The following PDE4D variants were observed in gnomAD, a reference collection of about 807,000 sequenced individuals.
The protein encoded by PDE4D is 3',5'-cyclic-AMP phosphodiesterase 4D.
PDE4D carries 24 observed loss-of-function variants against 87.4 expected under a neutral mutation model. The ratio of observed to expected loss-of-function variants is 0.27; its 90% CI spans 0.20 to 0.39. The LOEUF is 0.39. PDE4D is among the 10% of genes least tolerant of loss of function. PDE4D has a pLI of 1.00. For synonymous variants in PDE4D, 384 were observed against 383.2 expected (o/e 1.00, Z -0.02); for missense variants, 714 against 1,041.0 (o/e 0.69, Z 4.32).
At chr5:59,213,236 C>T (rs1337782845) in intron 2 of PDE4D, among the ~76,000 whole-genome samples, 1 of 151,198 alleles carries the variant, frequency 6.6e-6, no homozygotes, top group Admixed American at 6.6e-5. Flanking sequence ...ATGATCGTAG[C>T]TCACTGCAAC....
chr5:60,068,661 T>G (rs1772375517), intron 2 of PDE4D, among the ~76,000 whole-genome samples: 1 of 152,050 alleles, frequency 6.6e-6, no homozygotes, highest in African/African-American at 2.4e-5. Flanking sequence ...TGGCCCAATT[T>G]CAGCTCACTG....
intron 1 of PDE4D, among the ~76,000 whole-genome samples, chr5:59,323,229 A>G (rs548357177): frequency 6.6e-6 from 1 of 152,190 alleles, no homozygotes; most frequent in South Asian, 2.1e-4. Flanking sequence ...TTCTTTCATG[A>G]AGAACATCAG....
intron 1 of PDE4D, among the ~76,000 whole-genome samples, chr5:60,448,337 C>T (rs1244489251): frequency 6.6e-6 from 1 of 152,212 alleles, no homozygotes; most frequent in East Asian, 1.9e-4. Flanking sequence ...CCGTTAAAGA[C>T]CTGACAGGAT....
At chr5:59,959,729 A>G (rs564115469) in intron 3 of PDE4D, among the ~76,000 whole-genome samples, 1 of 152,312 alleles carries the variant, frequency 6.6e-6, no homozygotes, top group Non-Finnish European at 1.5e-5. Flanking sequence ...GGAGACCTCA[A>G]ACTATAAAAA....
intron 1 of PDE4D, among the ~76,000 whole-genome samples, chr5:59,652,553 T>C (rs763592779): frequency 5.3e-5 from 8 of 152,214 alleles, no homozygotes; most frequent in South Asian, 4.1e-4. Flanking sequence ...ACAGCTAATA[T>C]TGATATCAAT....
chr5:59,108,634 C>T (rs1392618370), intron 5 of PDE4D, among the ~76,000 whole-genome samples: 13 of 152,096 alleles, frequency 8.5e-5, no homozygotes, highest in Admixed American at 8.5e-4. Flanking sequence ...TGGCTCACGC[C>T]CGTAGTCCCA....
intron 3 of PDE4D, among the ~76,000 whole-genome samples, chr5:59,193,020 T>C (rs908565791): frequency 5.9e-5 from 9 of 152,186 alleles, no homozygotes; most frequent in Non-Finnish European, 1.5e-5. Flanking sequence ...TGTCATGTGG[T>C]TAAAGTATTT....
chr5:59,715,111 G>A (rs1037769798), intron 1 of PDE4D, among the ~76,000 whole-genome samples: 1 of 152,244 alleles, frequency 6.6e-6, no homozygotes, highest in African/African-American at 2.4e-5. Context: ...GAGCATGGCA[G>A]GACAGGCTAC....
At chr5:59,146,569 A>ATTT (rs35653778) in intron 5 of PDE4D, among the ~76,000 whole-genome samples, 26 of 147,312 alleles carry the variant, frequency 1.8e-4, no homozygotes, top group African/African-American at 6.2e-4. Context: ...AAGTGGTCTG[A>ATTT]TTTTTTTTTT....
At chr5:59,321,106 T>A (rs916140249) in intron 1 of PDE4D, among the ~76,000 whole-genome samples, 1 of 152,130 alleles carries the variant, frequency 6.6e-6, no homozygotes, top group Non-Finnish European at 1.5e-5. Flanking sequence ...TGACTCCATC[T>A]GTACTTTGTT....
intron 1 of PDE4D, among the ~76,000 whole-genome samples, chr5:59,734,450 C>A (rs921100120): frequency 6.6e-6 from 1 of 152,106 alleles, no homozygotes; most frequent in Admixed American, 6.6e-5. Flanking sequence ...CATTACAGTG[C>A]TGCATTGCTG....
chr5:59,937,290 G>A (rs1013522948), intron 3 of PDE4D, among the ~76,000 whole-genome samples: 11 of 152,046 alleles, frequency 7.2e-5, no homozygotes, highest in Non-Finnish European at 1.2e-4. Context: ...TAATATATAC[G>A]CTAACATATA....
intron 1 of PDE4D, among the ~76,000 whole-genome samples, chr5:59,476,820 C>T (rs1020919346): frequency 6.6e-6 from 1 of 151,986 alleles, no homozygotes; most frequent in Non-Finnish European, 1.5e-5. Flanking sequence ...CCAAAAATTA[C>T]AAAATAAATA....
chr5:60,303,079 T>C (rs1359916836), intron 1 of PDE4D, among the ~76,000 whole-genome samples: 1 of 152,164 alleles, frequency 6.6e-6, no homozygotes, highest in East Asian at 1.9e-4. Flanking sequence ...TCCGCTCACC[T>C]AGGCCTCCCC....
At chr5:59,250,756 C>T (rs1189391114) in intron 1 of PDE4D, among the ~76,000 whole-genome samples, 2 of 152,062 alleles carry the variant, frequency 1.3e-5, no homozygotes, top group Non-Finnish European at 2.9e-5. Context: ...AAGCTGGAGG[C>T]ATCACCTTGC....
chr5:59,463,538 C>T (rs1343482575), intron 1 of PDE4D, among the ~76,000 whole-genome samples: 1 of 152,176 alleles, frequency 6.6e-6, no homozygotes, highest in African/African-American at 2.4e-5. Context: ...TAAGCTTTCC[C>T]TTAAAGCCAG....
At chr5:59,035,915 C>T (rs1422457564) in intron 6 of PDE4D, among the ~76,000 whole-genome samples, 3 of 152,166 alleles carry the variant, frequency 2.0e-5, no homozygotes, top group African/African-American at 7.2e-5. Flanking sequence ...GAATCTCTTA[C>T]CCTACTTGGT....
chr5:59,460,371 A>G (rs2153645771), intron 1 of PDE4D, among the ~76,000 whole-genome samples: 1 of 152,320 alleles, frequency 6.6e-6, no homozygotes, highest in East Asian at 1.9e-4. Flanking sequence ...AGGATAAGAC[A>G]ATACTAAATT....
chr5:60,206,560 A>G (rs1358108502), intron 1 of PDE4D, among the ~76,000 whole-genome samples: 9 of 152,264 alleles, frequency 5.9e-5, no homozygotes, highest in Admixed American at 6.5e-5. Flanking sequence ...ACATTTCACA[A>G]TGTGGAAGTT....
Sources: allele counts gnomAD v4.1 joint callset (sites outside exome capture counted in the v4.1 genomes callset), GRCh38; gene constraint gnomAD v4.1.1; transcripts MANE v1.5; gene names NCBI Gene and HGNC (gene_info 2026-07-23, HGNC 2026-07-21).